The following MBNL2 variants were observed in gnomAD, a reference collection of about 807,000 sequenced individuals.
MBNL2 encodes muscleblind-like protein 2.
MBNL2 carries 17 observed loss-of-function variants against 41.9 expected under a neutral mutation model. That is an observed-to-expected ratio of 0.41 (90% confidence interval 0.28 to 0.61). The LOEUF is 0.61. MBNL2 is among the 20% of genes least tolerant of loss of function. The pLI, the probability that MBNL2 is intolerant of heterozygous loss-of-function variation, is 0.35. For synonymous variants in MBNL2, 195 were observed against 182.9 expected, an observed-to-expected ratio of 1.07 and a Z score of -0.53; for missense variants, 336 against 505.6, an observed-to-expected ratio of 0.66 and a Z score of 3.22.
At position 97,353,846 on chromosome 13, in the gene MBNL2, G is replaced by A. The variant is rs572506017; in HGVS notation, c.805-2950G>A. ...AGCTGCCGTCAGCTAGATACGTTTC[G>A]ATTGTTCAGGAAAGTCTGTACAGGA... On this transcript the variant is annotated intron_variant, in intron 5 of 8. Coordinates refer to ENST00000679496, the MANE Select transcript of MBNL2 (RefSeq NM_001382683.1). Among the ~76,000 whole-genome samples, 13 of 151,934 alleles carry A rather than the reference G, an allele frequency of 8.6e-5. No individual in the cohort carries two copies. The East Asian group carries it at 2.2e-3, about 26-fold the overall frequency.
the MBNL2 span, among the ~76,000 whole-genome samples, chr13:97,184,598 T>C: frequency 3.3e-5 from 5 of 152,198 alleles, no homozygotes; most frequent in Admixed American, 1.3e-4. Flanking sequence ...TTCTCCTGCC[T>C]CAGCCTCCTG....
intron 2 of MBNL2, among the ~76,000 whole-genome samples, chr13:97,300,891 A>T (rs530252164): frequency 6.6e-6 from 1 of 152,336 alleles, no homozygotes; most frequent in African/African-American, 2.4e-5. Flanking sequence ...TATATTGGGC[A>T]TCTATAACTA....
At chr13:97,314,842 A>C (rs1277700615) in intron 2 of MBNL2, among the ~76,000 whole-genome samples, 1 of 152,192 alleles carries the variant, frequency 6.6e-6, no homozygotes, top group Non-Finnish European at 1.5e-5. Context: ...CCCACCTCCT[A>C]GCTCTGTGAC....
chr13:97,280,383 T>C (rs759052581), intron 2 of MBNL2, among the ~76,000 whole-genome samples: 11 of 152,210 alleles, frequency 7.2e-5, no homozygotes, highest in Non-Finnish European at 7.3e-5. Flanking sequence ...GAATTCACAC[T>C]CAGCTTTAAA....
In MBNL2 at chr13:97,266,669, T is replaced by C. The variant is rs540706522; in HGVS notation, c.-604-8963T>C. ...TTTAAATTAGTCTCCAGAAATAGAG[T>C]GGGGACGCTCCAACATTGAGCCACT... On this transcript the variant is annotated intron_variant, in intron 1 of 8. Coordinates refer to ENST00000679496, the MANE Select transcript of MBNL2 (RefSeq NM_001382683.1). Among the ~76,000 whole-genome samples the C allele has an allele frequency of 6.6e-5, 10 of 152,266 alleles. No homozygotes were observed. The South Asian group carries it at 2.1e-3, about 32-fold the overall frequency.
chr13:97,276,075 C>T lies in MBNL2; in HGVS notation c.-161C>T. The T allele has an allele frequency of 1.7e-6, 1 of 590,116 alleles. No homozygotes were observed. Among genetic ancestry groups the T allele is most frequent in the Non-Finnish European group, 3.0e-6 (1 of 331,848 alleles). 36.6% of individuals were successfully genotyped at this position (590,116 alleles called of 1,614,324 possible). On this transcript the variant is annotated 5_prime_UTR_variant, in exon 2 of 9. Coordinates refer to ENST00000679496, the MANE Select transcript of MBNL2 (RefSeq NM_001382683.1). ...ATGAGTGATTGCCTGTCCATACACT[C>T]TCTCATCATCCTGTTCCTTGGATTG...
upstream of MBNL2, among the ~76,000 whole-genome samples, chr13:97,218,574 C>A (rs1324850166): frequency 6.6e-6 from 1 of 151,960 alleles, no homozygotes; most frequent in Admixed American, 6.6e-5. Flanking sequence ...TTTCTTTCCT[C>A]TGGCCACCTC....
At chr13:97,144,120 G>T in the MBNL2 span, among the ~76,000 whole-genome samples, 1 of 152,036 alleles carries the variant, frequency 6.6e-6, no homozygotes, top group African/African-American at 2.4e-5. Flanking sequence ...CTAGGATTAC[G>T]GGCATGAGCC....
chr13:97,260,639 G>A (rs1012730491), intron 1 of MBNL2, among the ~76,000 whole-genome samples: 21 of 152,176 alleles, frequency 1.4e-4, no homozygotes, highest in Admixed American at 6.5e-4. Flanking sequence ...GTAGGGTATC[G>A]GAGAGAGGGA....
chr13:97,237,870 C>T (rs903486257), intron 1 of MBNL2, among the ~76,000 whole-genome samples: 3 of 152,108 alleles, frequency 2.0e-5, no homozygotes, highest in Non-Finnish European at 2.9e-5. Context: ...GAATTGCAGA[C>T]GCTCAGGCAG....
intron 1 of MBNL2, among the ~76,000 whole-genome samples, chr13:97,263,925 TA>T (rs1244646720): frequency 6.6e-6 from 1 of 151,950 alleles, no homozygotes; most frequent in African/African-American, 2.4e-5. Context: ...GCCTTACTTT[TA>T]TTTTTTTAAT....
the MBNL2 span, among the ~76,000 whole-genome samples, chr13:97,206,078 T>C: frequency 6.6e-6 from 1 of 152,150 alleles, no homozygotes; most frequent in Non-Finnish European, 1.5e-5. Context: ...TAAAAGCCAA[T>C]GAGTAGTCAG....
At chr13:97,201,473 GGATA>G in the MBNL2 span, among the ~76,000 whole-genome samples, 2 of 152,138 alleles carry the variant, frequency 1.3e-5, no homozygotes, top group Non-Finnish European at 2.9e-5. Flanking sequence ...ATGGATGGAT[GGATA>G]GATAGACAAA....
rs763407208 is a variant in MBNL2 at position 97,291,900 on chromosome 13, C to CAAAAAAAAAAAAAAAAAAAAAAA, written c.174+15508_174+15509insAAAAAAAAAAAAAAAAAAAAAAA. Among the ~76,000 whole-genome samples, 24 of 37,814 alleles carry CAAAAAAAAAAAAAAAAAAAAAAA rather than the reference C, an allele frequency of 6.3e-4. 2 individuals carry two copies. The highest frequency in any genetic ancestry group is 4.9e-3 in the African/African-American group (21 of 4,272). 24.8% of individuals were successfully genotyped at this position (37,814 alleles called of 152,430 possible). A position where few individuals can be genotyped will look rare whatever the true frequency, so the allele number is the denominator to read the frequency against. On this transcript the variant is annotated intron_variant, in intron 2 of 8. Coordinates refer to ENST00000679496, the MANE Select transcript of MBNL2 (RefSeq NM_001382683.1). ...ACAGAGCGAGACTCCGTCTCCGTCT[C>CAAAAAAAAAAAAAAAAAAAAAAA]AAAAAAAAAAAAAAAAAGTGGGCTG...
intron 2 of MBNL2, among the ~76,000 whole-genome samples, chr13:97,317,411 A>G (rs1333557905): frequency 6.6e-6 from 1 of 152,188 alleles, no homozygotes; most frequent in African/African-American, 2.4e-5. Flanking sequence ...CACGTGTTTC[A>G]TATTGGGGTC....
At chr13:97,258,501 T>G (rs946039490) in intron 1 of MBNL2, among the ~76,000 whole-genome samples, 6 of 152,196 alleles carry the variant, frequency 3.9e-5, no homozygotes, top group African/African-American at 1.4e-4. Flanking sequence ...GTTCCTAGAT[T>G]ACTGGGTTCT....
intron 8 of MBNL2, among the ~76,000 whole-genome samples, chr13:97,365,865 T>C (rs2063803196): frequency 6.6e-6 from 1 of 152,206 alleles, no homozygotes; most frequent in Admixed American, 6.5e-5. Flanking sequence ...TCAGAGTAAC[T>C]GTATTAGAAT....
chr13:97,330,427 A>T (rs1003589277), intron 2 of MBNL2, among the ~76,000 whole-genome samples: 4 of 152,196 alleles, frequency 2.6e-5, no homozygotes. Context: ...GCCACTAGGC[A>T]CTGGACCCTC....
At position 97,287,918 on chromosome 13, in the gene MBNL2, G is replaced by GTTTTGTTTTGTT. The variant is rs2054901165; in HGVS notation, c.174+11513_174+11514insGTTTTGTTTTTT. On this transcript the variant is annotated intron_variant, in intron 2 of 8. Coordinates refer to ENST00000679496, the MANE Select transcript of MBNL2 (RefSeq NM_001382683.1). ...TGCCACCAGGCCCGGCTAATTTTCTGTTTTTTTTTTGTTTTGTTTTGTTTT... is the reference window on the plus strand; with the variant it reads ...TGCCACCAGGCCCGGCTAATTTTCTGTTTTGTTTTGTTTTTTTTTTTTGTTTTGTTTTGTTTT... 4.6e-4 allele frequency among the ~76,000 whole-genome samples: 57 copies of GTTTTGTTTTGTT among 124,594 alleles called. 1 individual carries two copies. Among genetic ancestry groups the GTTTTGTTTTGTT allele is most frequent in the African/African-American group, 1.9e-3 (56 of 28,752 alleles). The allele number at this position is 124,594 out of a possible 152,430, so 81.7% of individuals were successfully genotyped here. A position where few individuals can be genotyped will look rare whatever the true frequency, so the allele number is the denominator to read the frequency against.
Sources: gnomAD v4.1 joint callset for allele counts (sites outside exome capture counted in the v4.1 genomes callset) on GRCh38, gnomAD v4.1.1 for gene constraint, MANE v1.5 for transcripts, NCBI Gene and HGNC (gene_info 2026-07-23, HGNC 2026-07-21) for gene names.